The following SPECC1 variants were observed in gnomAD, a reference collection of about 807,000 sequenced individuals.
SPECC1 encodes the protein sperm antigen with calponin homology and coiled-coil domains 1, also known as cytospin-B.
Under a neutral mutation model 104.1 loss-of-function variants are expected in SPECC1, and 62 were observed. The ratio of observed to expected loss-of-function variants is 0.60; its 90% CI spans 0.49 to 0.74. The LOEUF (loss-of-function observed/expected upper bound fraction) is 0.74. Ranked by LOEUF, SPECC1 falls within the 30% of genes least tolerant of loss-of-function variation. SPECC1 has a pLI of 0.00. For synonymous variants in SPECC1, 513 were observed against 501.6 expected (o/e 1.02, Z -0.30); for missense variants, 1,306 against 1,310.5 (o/e 1.00, Z 0.05).
chr17:20,056,564 TG>T, intron 1 of SPECC1: 1 of 214,112 alleles, frequency 4.7e-6, no homozygotes, highest in South Asian at 8.7e-5. Context: ...TGGGAGAGTC[TG>T]GGAGTTTACC....
chr17:20,295,676 C>T (rs1329647837), intron 12 of SPECC1, among the ~76,000 whole-genome samples: 3 of 152,226 alleles, frequency 2.0e-5, no homozygotes, highest in Non-Finnish European at 4.4e-5. Flanking sequence ...TCTTCTCCAG[C>T]ACCTGTTATT....
chr17:20,188,383 G>A (rs1567917305), intron 3 of SPECC1, among the ~76,000 whole-genome samples: 1 of 151,666 alleles, frequency 6.6e-6, no homozygotes, highest in Non-Finnish European at 1.5e-5. Flanking sequence ...CTAAGCCTCC[G>A]GAGTGGCTGG....
intron 1 of SPECC1, among the ~76,000 whole-genome samples, chr17:20,076,737 T>C (rs1387875233): frequency 1.3e-5 from 2 of 152,242 alleles, no homozygotes; most frequent in Non-Finnish European, 2.9e-5. Context: ...ACCATTTTAA[T>C]GGTGCTTGGT....
intron 1 of SPECC1, among the ~76,000 whole-genome samples, chr17:20,077,316 T>C (rs2046797146): frequency 2.0e-5 from 3 of 152,206 alleles, no homozygotes; most frequent in Admixed American, 6.5e-5. Context: ...GCAACTCTTA[T>C]GTTTTCTAAT....
chr17:20,205,229 A>G lies in SPECC1; in HGVS notation c.1180A>G (p.Thr394Ala), dbSNP rs766656719. 6 of 1,614,034 alleles carry G rather than the reference A, an allele frequency of 3.7e-6. No individual in the cohort carries two copies. In the African/African-American group the frequency reaches 6.7e-5, roughly 18 times the overall value. The change falls in exon 4 of 15, where the codon ACT becomes GCT. Residue 394 changes from threonine to alanine, a missense_variant. Around this residue, in one of 2 missense-constraint regions of SPECC1, gnomAD observed 1,177 missense variants for 1,139.9 expected, o/e 1.03. Coordinates refer to ENST00000395527, the MANE Select transcript of SPECC1 (RefSeq NM_001243439.2). ...HHSTAEELQA[T>A]LQELSDQQQM... ...TAGCACTGCAGAAGAACTACAGGCT[A>G]CTCTACAAGAATTATCAGACCAGCA... is the stretch of plus-strand genomic sequence containing the variant.
rs1310898169 is a variant in SPECC1, at chr17:20,257,610, A to G, written c.2837+3A>G. On this transcript the variant is annotated splice_donor_region_variant and intron_variant, in intron 11 of 14. Transcript: ENST00000395527. ...TGGAAACCACAAAGCAAACTCAGGT[A>G]TCGTGTTTCAAACAATAAGAAATCA... The G allele has an allele frequency of 3.1e-6, 5 of 1,611,784 alleles. No homozygotes were observed. The highest frequency in any genetic ancestry group is 4.2e-6 in the Non-Finnish European group (5 of 1,179,518).
chr17:20,169,392 T>C (rs2033913239), intron 3 of SPECC1, among the ~76,000 whole-genome samples: 1 of 152,216 alleles, frequency 6.6e-6, no homozygotes, highest in South Asian at 2.1e-4. Context: ...CAGAAATAGC[T>C]GCTGAATTTT....
chr17:20,217,281 G>GTTT (rs966089558), intron 4 of SPECC1, among the ~76,000 whole-genome samples: 13 of 147,598 alleles, frequency 8.8e-5, no homozygotes, highest in African/African-American at 2.8e-4. Context: ...GTGTGTGTGT[G>GTTT]TTTTTTTTTT....
intron 1 of SPECC1, among the ~76,000 whole-genome samples, chr17:20,028,842 A>T (rs143752031): frequency 0.016 from 2,404 of 150,690 alleles, 58 homozygotes; most frequent in African/African-American, 0.056. Context: ...GGCTCACTGC[A>T]ACCTCTGCCT....
intron 1 of SPECC1, among the ~76,000 whole-genome samples, chr17:20,063,920 A>G (rs2046275177): frequency 6.6e-6 from 1 of 152,234 alleles, no homozygotes; most frequent in Admixed American, 6.5e-5. Context: ...GAAATGAATA[A>G]AACAATCACT....
At chr17:20,086,883 G>C (rs963052692) in intron 1 of SPECC1, 4 of 152,256 alleles carry the variant, frequency 2.6e-5, no homozygotes, top group African/African-American at 9.6e-5. Context: ...ATGCCCTGCA[G>C]TTCTTGCATT....
chr17:20,074,462 T>A (rs1234841036), intron 1 of SPECC1, among the ~76,000 whole-genome samples: 2 of 152,214 alleles, frequency 1.3e-5, no homozygotes, highest in Non-Finnish European at 2.9e-5. Flanking sequence ...ACCCACTCTA[T>A]TTTCTAGAAA....
intron 1 of SPECC1, among the ~76,000 whole-genome samples, chr17:20,073,319 T>C (rs560892413): frequency 6.6e-6 from 1 of 152,174 alleles, no homozygotes; most frequent in Admixed American, 6.5e-5. Flanking sequence ...TTTTTGTTTT[T>C]AAATCTGTTT....
At chr17:20,186,058 G>C (rs545922099) in intron 3 of SPECC1, among the ~76,000 whole-genome samples, 1 of 152,060 alleles carries the variant, frequency 6.6e-6, no homozygotes, top group Non-Finnish European at 1.5e-5. Flanking sequence ...GGCTGGTCTC[G>C]AACTCCTGAC....
chr17:20,165,007 A>T (rs904957904), intron 3 of SPECC1, among the ~76,000 whole-genome samples: 13 of 152,106 alleles, frequency 8.5e-5, no homozygotes, highest in Non-Finnish European at 1.3e-4. Context: ...TATCTTTTTT[A>T]AAAAAATTAA....
intron 12 of SPECC1, among the ~76,000 whole-genome samples, chr17:20,278,589 A>C (rs3850780): frequency 0.42 from 64,501 of 151,974 alleles, 14,317 homozygotes; most frequent in East Asian, 0.8. Context: ...CTGTAATGTC[A>C]ACACTTTGGA....
At chr17:20,164,947 C>T (rs1298255336) in intron 3 of SPECC1, among the ~76,000 whole-genome samples, 1 of 152,178 alleles carries the variant, frequency 6.6e-6, no homozygotes, top group Non-Finnish European at 1.5e-5. Flanking sequence ...AGAACTTTGA[C>T]TTGATAGAAT....
intron 4 of SPECC1, among the ~76,000 whole-genome samples, chr17:20,206,480 C>G (rs2036788091): frequency 2.6e-5 from 4 of 152,138 alleles, no homozygotes; most frequent in Admixed American, 2.6e-4. Flanking sequence ...ATGTTATTAA[C>G]TTTTTTTGCA....
intron 1 of SPECC1, among the ~76,000 whole-genome samples, chr17:20,074,537 A>G (rs943312136): frequency 6.6e-6 from 1 of 152,174 alleles, no homozygotes; most frequent in Admixed American, 6.5e-5. Context: ...TAAAATGTTT[A>G]GCTCAGCGGT....
Sources: gnomAD v4.1 joint callset for allele counts (sites outside exome capture counted in the v4.1 genomes callset) on GRCh38, gnomAD v4.1.1 for gene constraint, gnomAD v4.1.1 regional missense constraint, MANE v1.5 for transcripts, NCBI Gene and HGNC (gene_info 2026-07-23, HGNC 2026-07-21) for gene names.